Variants in AOAH observed in about 807,000 individuals in gnomAD.
AOAH encodes the protein acyloxyacyl hydrolase (neutrophil).
Under a neutral mutation model 92.2 loss-of-function variants are expected in AOAH, and 64 were observed. That is an observed-to-expected ratio of 0.69 (90% CI 0.57 to 0.86). The LOEUF (loss-of-function observed/expected upper bound fraction) is 0.86. Among genes scored for constraint, AOAH ranks in the 40% least tolerant of loss-of-function variants. The pLI, the probability that AOAH is intolerant of heterozygous loss-of-function variation, is 0.00. For missense variants in AOAH, 656 were observed against 694.6 expected (o/e 0.94, Z 0.62); for synonymous variants, 263 against 254.5 (o/e 1.03, Z -0.32).
intron 4 of AOAH, among the ~76,000 whole-genome samples, chr7:36,654,143 A>ACC (rs1794742764): frequency 8.6e-6 from 1 of 116,660 alleles, no homozygotes; most frequent in African/African-American, 2.6e-5. Context: ...ACACACACAC[A>ACC]CAGCAGCAGC....
At chr7:36,701,235 G>C (rs1025788501) in intron 1 of AOAH, among the ~76,000 whole-genome samples, 1 of 151,860 alleles carries the variant, frequency 6.6e-6, no homozygotes, top group Non-Finnish European at 1.5e-5. Flanking sequence ...CAATCCTGGA[G>C]AATGGTCCAT....
intron 16 of AOAH, 136 bp from the exon 17 acceptor site, chr7:36,532,480 C>G: frequency 1.2e-6 from 1 of 803,206 alleles, no homozygotes. Context: ...TGCAGCATTG[C>G]TCTTGAAGAA....
intron 4 of AOAH, among the ~76,000 whole-genome samples, chr7:36,645,971 TC>T: frequency 6.6e-6 from 1 of 152,206 alleles, no homozygotes; most frequent in Non-Finnish European, 1.5e-5. Flanking sequence ...ACTCTTGCTA[TC>T]GCTTCCTATT....
chr7:36,670,852 A>T (rs1266167266), intron 3 of AOAH, among the ~76,000 whole-genome samples: 1 of 56,624 alleles, frequency 1.8e-5, no homozygotes, highest in African/African-American at 1.1e-4. Context: ...TTGCATCTGC[A>T]GTGATGAGTA....
In AOAH at chr7:36,534,706, G is replaced by C. The variant is rs529520635; in HGVS notation, c.1307-2362C>G. Among the ~76,000 whole-genome samples, 4 of 152,346 alleles carry C rather than the reference G, an allele frequency of 2.6e-5. No individual in the cohort carries two copies. In the South Asian group the frequency reaches 8.3e-4, roughly 32 times the overall value. On this transcript the variant is annotated intron_variant, in intron 16 of 20. Transcript: ENST00000617537. ...TTGATCCTACTTCTATGGGGTGCAT[G>C]AAGAGAGGTTGTGTCTGTGACTCCC...
chr7:36,660,653 G>GT, intron 3 of AOAH, among the ~76,000 whole-genome samples: 1 of 152,288 alleles, frequency 6.6e-6, no homozygotes, highest in East Asian at 1.9e-4. Context: ...AAAGTACAAT[G>GT]TAACTGACTT....
At chr7:36,576,227 G>A (rs1180891872) in intron 13 of AOAH, among the ~76,000 whole-genome samples, 3 of 152,176 alleles carry the variant, frequency 2.0e-5, no homozygotes, top group African/African-American at 7.2e-5. Flanking sequence ...GAGCTTTTGC[G>A]ATGACCTTAA....
chr7:36,568,735 C>T (rs182731259), intron 13 of AOAH, among the ~76,000 whole-genome samples: 1 of 152,196 alleles, frequency 6.6e-6, no homozygotes, highest in Admixed American at 6.5e-5. Context: ...CGTTTCTCTT[C>T]TCCCCTCCCC....
intron 13 of AOAH, among the ~76,000 whole-genome samples, chr7:36,560,118 C>G (rs570766063): frequency 6.6e-6 from 1 of 152,072 alleles, no homozygotes; most frequent in Non-Finnish European, 1.5e-5. Flanking sequence ...CAGTACCATG[C>G]GTTTTGGTCA....
At chr7:36,514,485 T>C (rs1790223608) in intron 20 of AOAH, 1 of 1,535,506 alleles carries the variant, frequency 6.5e-7, no homozygotes, top group Non-Finnish European at 8.7e-7. Context: ...CTGGTTCTGC[T>C]GTCGCATGTC....
At chr7:36,635,857 A>G (rs753810871) in intron 5 of AOAH, among the ~76,000 whole-genome samples, 18 of 152,162 alleles carry the variant, frequency 1.2e-4, no homozygotes, top group Non-Finnish European at 2.2e-4. Context: ...TGATGACAAA[A>G]ATACTCTATC....
chr7:36,521,727 G>A (rs1157997360), intron 20 of AOAH, among the ~76,000 whole-genome samples: 1 of 150,024 alleles, frequency 6.7e-6, no homozygotes, highest in Non-Finnish European at 1.5e-5. Context: ...TATTATGGAA[G>A]CCATGGCTTA....
chr7:36,561,833 T>C (rs569678630), intron 13 of AOAH, among the ~76,000 whole-genome samples: 44 of 152,152 alleles, frequency 2.9e-4, no homozygotes, highest in Non-Finnish European at 5.6e-4. Flanking sequence ...AAAATGAAAA[T>C]GAAAGCCTGT....
rs1366300121 is a variant in AOAH at position 36,616,423 on chromosome 7, A to G, written c.803T>C (p.Phe268Ser). 14 of 1,614,162 alleles carry G rather than the reference A, an allele frequency of 8.7e-6. No individual in the cohort carries two copies. The East Asian group carries it at 2.9e-4, about 33-fold the overall frequency. The change falls in exon 11 of 21, where the codon TTT (phenylalanine) becomes TCT (serine). Residue 268 changes from phenylalanine to serine, a missense_variant. Physicochemically the swap from Phe to Ser is radical, Grantham distance 155. Coordinates refer to ENST00000617537, the MANE Select transcript of AOAH (RefSeq NM_001637.4). ...TGTGATCCATTCAGGAGAGATGTGA[A>G]AATGAGCCCCAGCTGAGTCTCCCAG... is the stretch of plus-strand genomic sequence containing the variant. ...ILLGDSAGAH[F>S]HISPEWITAS...
At chr7:36,517,945 C>CACA in intron 20 of AOAH, among the ~76,000 whole-genome samples, 1 of 11,528 alleles carries the variant, frequency 8.7e-5, no homozygotes, top group African/African-American at 2.6e-4. Flanking sequence ...ACACACACAC[C>CACA]CACACACACA....
chr7:36,602,637 G>A (rs961475060), intron 11 of AOAH, among the ~76,000 whole-genome samples: 2 of 151,982 alleles, frequency 1.3e-5, no homozygotes, highest in Non-Finnish European at 2.9e-5. Context: ...TGAGCACGAA[G>A]AGGTACACGT....
chr7:36,627,189 A>AATCAAT (rs1438381335), intron 6 of AOAH, among the ~76,000 whole-genome samples: 63 of 152,322 alleles, frequency 4.1e-4, no homozygotes, highest in African/African-American at 1.4e-3. Flanking sequence ...GCATCAAAAG[A>AATCAAT]TAACTATAGT....
intron 13 of AOAH, among the ~76,000 whole-genome samples, chr7:36,561,874 CGCTCACACCCCTGG>C (rs1412935543): frequency 1.3e-5 from 2 of 152,258 alleles, no homozygotes; most frequent in Non-Finnish European, 2.9e-5. Context: ...TCCCTTCCTG[CGCTCACACCCCTGG>C]GTCCCTTTGC....
At chr7:36,643,317 TTCCAAGAATGAA>T (rs544279987) in intron 4 of AOAH, among the ~76,000 whole-genome samples, 4 of 152,296 alleles carry the variant, frequency 2.6e-5, no homozygotes, top group African/African-American at 9.6e-5. Context: ...AAACACTGTT[TTCCAAGAATGAA>T]GTAAGCCTGA....
Sources: gnomAD v4.1 joint callset for allele counts (sites outside exome capture counted in the v4.1 genomes callset) on GRCh38, gnomAD v4.1.1 for gene constraint, MANE v1.5 for transcripts, NCBI Gene and HGNC (gene_info 2026-07-23, HGNC 2026-07-21) for gene names.